Variants in EXOC6B observed in about 807,000 individuals in gnomAD.
EXOC6B encodes SEC15 homolog B.
Under a neutral mutation model 113.5 loss-of-function variants are expected in EXOC6B, and 54 were observed. The observed-to-expected ratio is 0.48, with a 90% CI of 0.38 to 0.60. The LOEUF (loss-of-function observed/expected upper bound fraction) is 0.60, where lower values mean the gene tolerates loss of function less well. Among genes scored for constraint, EXOC6B ranks in the 20% least tolerant of loss-of-function variants. The probability of loss-of-function intolerance (pLI) is 0.00; values close to 1 mark genes in which losing one functional copy is unlikely to be tolerated. For missense variants in EXOC6B, 797 were observed against 977.5 expected, an observed-to-expected ratio of 0.82 and a Z score of 2.46; for synonymous variants, 357 against 339.0, an observed-to-expected ratio of 1.05 and a Z score of -0.58.
At chr2:72,296,160 C>T (rs973039422) in intron 20 of EXOC6B, among the ~76,000 whole-genome samples, 1 of 151,878 alleles carries the variant, frequency 6.6e-6, no homozygotes, top group African/African-American at 2.4e-5. Flanking sequence ...AGCATATAAT[C>T]CTGAAGTGCT....
intron 8 of EXOC6B, among the ~76,000 whole-genome samples, chr2:72,516,097 T>A (rs1701200182): frequency 6.6e-6 from 1 of 152,152 alleles, no homozygotes; most frequent in East Asian, 1.9e-4. Flanking sequence ...AGTTTGGAAT[T>A]CTAGCCTCCA....
At chr2:72,720,133 A>G (rs1376975754) in intron 5 of EXOC6B, among the ~76,000 whole-genome samples, 1 of 152,182 alleles carries the variant, frequency 6.6e-6, no homozygotes. Context: ...CAACCTCTAA[A>G]AAACCAAAAA....
At chr2:72,666,193 T>C (rs909904195) in intron 6 of EXOC6B, among the ~76,000 whole-genome samples, 3 of 152,112 alleles carry the variant, frequency 2.0e-5, no homozygotes, top group African/African-American at 7.2e-5. Flanking sequence ...TAAAACAAGT[T>C]CTAGTGAAAG....
intron 1 of EXOC6B, among the ~76,000 whole-genome samples, chr2:72,817,148 G>C (rs1310047741): frequency 6.6e-6 from 1 of 152,058 alleles, no homozygotes; most frequent in African/African-American, 2.4e-5. Context: ...TAAATGTTAA[G>C]CTTTATTTAT....
intron 15 of EXOC6B, among the ~76,000 whole-genome samples, chr2:72,493,588 A>G (rs1163130480): frequency 2.6e-5 from 4 of 152,130 alleles, no homozygotes; most frequent in Admixed American, 1.3e-4. Flanking sequence ...TTATTAATAT[A>G]ATGTGAAACA....
chr2:72,267,682 A>G (rs1434920842), intron 20 of EXOC6B, among the ~76,000 whole-genome samples: 1 of 152,174 alleles, frequency 6.6e-6, no homozygotes, highest in Non-Finnish European at 1.5e-5. Flanking sequence ...GGATTTTTGC[A>G]TCAATGTTCA....
At chr2:72,796,588 A>G (rs1684966657) in intron 1 of EXOC6B, among the ~76,000 whole-genome samples, 1 of 152,136 alleles carries the variant, frequency 6.6e-6, no homozygotes, top group Non-Finnish European at 1.5e-5. Flanking sequence ...CATATTAGGC[A>G]CTAAATAATT....
At chr2:72,353,387 T>TATTGTA (rs1203832567) in intron 19 of EXOC6B, among the ~76,000 whole-genome samples, 1 of 105,106 alleles carries the variant, frequency 9.5e-6, no homozygotes, top group African/African-American at 8.6e-5. Flanking sequence ...GTATCGTATT[T>TATTGTA]TTGAGATGGA....
At chr2:72,559,382 C>A in intron 8 of EXOC6B, 71 bp downstream of exon 8, 4 of 1,100,990 alleles carry the variant, frequency 3.6e-6, no homozygotes, top group Non-Finnish European at 3.7e-6. Flanking sequence ...AGAAAAACTA[C>A]CAAAAGTTGA....
intron 20 of EXOC6B, among the ~76,000 whole-genome samples, chr2:72,274,416 T>A (rs954403124): frequency 6.6e-6 from 1 of 152,168 alleles, no homozygotes; most frequent in Admixed American, 6.6e-5. Context: ...ACAAAGTATT[T>A]TGCAATGTCG....
chr2:72,823,479 C>CAAAAAAAAAAAAA (rs1214480106), intron 1 of EXOC6B, among the ~76,000 whole-genome samples: 1 of 95,344 alleles, frequency 1.0e-5, no homozygotes, highest in Admixed American at 1.4e-4. Flanking sequence ...AAAAAAAAAA[C>CAAAAAAAAAAAAA]AAAAAACAAA....
chr2:72,235,434 C>A (rs1035126184), intron 20 of EXOC6B, among the ~76,000 whole-genome samples: 1 of 152,168 alleles, frequency 6.6e-6, no homozygotes, highest in Non-Finnish European at 1.5e-5. Flanking sequence ...GGGAGAGGAT[C>A]GAAAAACTAC....
At chr2:72,538,572 G>C (rs141113408) in intron 8 of EXOC6B, among the ~76,000 whole-genome samples, 1,524 of 152,176 alleles carry the variant, frequency 0.01, 15 homozygotes, top group Non-Finnish European at 0.013. Flanking sequence ...TCTTGATTCA[G>C]AATATTCATG....
intron 1 of EXOC6B, among the ~76,000 whole-genome samples, chr2:72,770,725 T>C (rs1051099335): frequency 6.6e-6 from 1 of 152,130 alleles, no homozygotes; most frequent in Non-Finnish European, 1.5e-5. Context: ...TATTCCCTGA[T>C]ATTTAATGCT....
At chr2:72,537,350 T>TC (rs1232567707) in intron 8 of EXOC6B, among the ~76,000 whole-genome samples, 1 of 151,098 alleles carries the variant, frequency 6.6e-6, no homozygotes, top group East Asian at 1.9e-4. Context: ...ACACCTGTAA[T>TC]CCCAGCACTG....
intron 8 of EXOC6B, among the ~76,000 whole-genome samples, chr2:72,526,127 ATAACT>A (rs1204025639): frequency 6.6e-6 from 1 of 152,130 alleles, no homozygotes; most frequent in African/African-American, 2.4e-5. Context: ...TTCCAGACAA[ATAACT>A]TAATCTGTTT....
intron 20 of EXOC6B, among the ~76,000 whole-genome samples, chr2:72,241,220 G>A (rs961924471): frequency 6.6e-6 from 1 of 152,126 alleles, no homozygotes; most frequent in Non-Finnish European, 1.5e-5. Flanking sequence ...AAAACACACT[G>A]TAACAGAAAT....
intron 18 of EXOC6B, among the ~76,000 whole-genome samples, chr2:72,382,657 G>A (rs963104835): frequency 1.3e-5 from 2 of 152,128 alleles, no homozygotes; most frequent in African/African-American, 4.8e-5. Flanking sequence ...TCCTACTCAT[G>A]AATATGGCAT....
intron 18 of EXOC6B, among the ~76,000 whole-genome samples, chr2:72,437,314 C>T (rs918012264): frequency 6.6e-6 from 1 of 152,202 alleles, no homozygotes; most frequent in Non-Finnish European, 1.5e-5. Flanking sequence ...CCAGAGCTCT[C>T]CTGTATGAGG....
Sources: gnomAD v4.1 joint callset for allele counts (sites outside exome capture counted in the v4.1 genomes callset) on GRCh38, gnomAD v4.1.1 for gene constraint, MANE v1.5 for transcripts, NCBI Gene and HGNC (gene_info 2026-07-23, HGNC 2026-07-21) for gene names.